INIP: variants seen among roughly 807,000 people sequenced by gnomAD.
INIP encodes INTS3 and NABP interacting protein, also known as SOSS complex subunit C.
INIP carries 9 observed loss-of-function variants against 14.0 expected under a neutral mutation model. That is an observed-to-expected ratio of 0.64 (90% CI 0.39 to 1.12). The LOEUF is 1.12. Ranked by LOEUF, INIP falls within the 50% of genes most tolerant of loss-of-function variation. INIP has a pLI of 0.01. For missense variants in INIP, 78 were observed against 122.7 expected (o/e 0.64, Z 1.72); for synonymous variants, 37 against 41.5 (o/e 0.89, Z 0.41).
chr9:112,707,810 AG>A (rs1237634912), intron 2 of INIP, among the ~76,000 whole-genome samples: 1 of 152,232 alleles, frequency 6.6e-6, no homozygotes, highest in African/African-American at 2.4e-5. Flanking sequence ...ACAACTATAT[AG>A]TACATTAAAG....
intron 2 of INIP, among the ~76,000 whole-genome samples, chr9:112,704,098 A>G (rs552658930): frequency 9.8e-5 from 15 of 152,314 alleles, no homozygotes; most frequent in African/African-American, 3.4e-4. Flanking sequence ...AGGGTAGGGT[A>G]GTTACAAAGA....
chr9:112,707,059 G>T (rs116255094), intron 2 of INIP, among the ~76,000 whole-genome samples: 1,727 of 152,142 alleles, frequency 0.011, 30 homozygotes, highest in African/African-American at 0.039. Flanking sequence ...TTGCAAGCAT[G>T]CGTAATCATG....
rs1378192818 is a variant in INIP at position 112,685,824 on chromosome 9, GAAGT to G, written c.*1710_*1713del. 6.6e-6 allele frequency: 1 copy of G among 152,192 alleles called. No homozygotes were observed. Among genetic ancestry groups the G allele is most frequent in the Non-Finnish European group, 1.5e-5 (1 of 68,042 alleles). The allele number at this position is 152,192 out of a possible 1,614,324, so 9.4% of individuals were successfully genotyped here. A position where few individuals can be genotyped will look rare whatever the true frequency, so the allele number is the denominator to read the frequency against. On this transcript the variant is annotated 3_prime_UTR_variant, in exon 5 of 5. Transcript: ENST00000374242. ...GCCCCCTGAGGAGCTCTGCGCCGCAGAAGTAAGGCTATCCTCGCTGCAATGGTGA... is the reference window on the plus strand; with the variant it reads ...GCCCCCTGAGGAGCTCTGCGCCGCAGAAGGCTATCCTCGCTGCAATGGTGA...
chr9:112,697,741 A>C (rs527763884), intron 2 of INIP, among the ~76,000 whole-genome samples: 4 of 152,360 alleles, frequency 2.6e-5, no homozygotes, highest in African/African-American at 9.6e-5. Context: ...ACCAAATTCC[A>C]AGAATGTATT....
At chr9:112,711,171 T>TA (rs966914228) in intron 2 of INIP, among the ~76,000 whole-genome samples, 7 of 151,258 alleles carry the variant, frequency 4.6e-5, no homozygotes, top group East Asian at 3.9e-4. Flanking sequence ...CCCTGCCTCT[T>TA]AAAAAAAAAT....
Position 112,694,622 on chromosome 9 carries a change from A to G in INIP, c.26-389T>C, listed in dbSNP as rs113313302. On this transcript the variant is annotated intron_variant, in intron 2 of 4. Coordinates refer to ENST00000374242, the MANE Select transcript of INIP (RefSeq NM_021218.3). ...GTGCAGTCTCTATCCTGCCGAGTCA[A>G]TCTTTGGGAGGGCAGATGTTCTTAG... 8.3e-4 allele frequency among the ~76,000 whole-genome samples: 126 copies of G among 152,330 alleles called. 1 individual carries two copies. Among genetic ancestry groups the G allele is most frequent in the African/African-American group, 2.9e-3 (122 of 41,582 alleles).
chr9:112,687,912 C>A (rs786972), intron 4 of INIP, among the ~76,000 whole-genome samples: 1 of 151,710 alleles, frequency 6.6e-6, no homozygotes, highest in Non-Finnish European at 1.5e-5. Context: ...GGTGAAACCC[C>A]GTCTCTACTA....
chr9:112,707,163 T>C (rs370109752), intron 2 of INIP, among the ~76,000 whole-genome samples: 80 of 151,740 alleles, frequency 5.3e-4, no homozygotes, highest in African/African-American at 1.6e-3. Context: ...GGTCTCGAAC[T>C]CCCGACCTCA....
intron 1 of INIP, among the ~76,000 whole-genome samples, chr9:112,717,720 C>T (rs1838871506): frequency 1.3e-5 from 2 of 152,100 alleles, no homozygotes; most frequent in South Asian, 4.1e-4. Flanking sequence ...AAACACAGAG[C>T]GAGCAATGCG....
intron 2 of INIP, among the ~76,000 whole-genome samples, chr9:112,703,556 AAAAAC>A (rs1235112769): frequency 6.6e-6 from 1 of 152,188 alleles, no homozygotes; most frequent in African/African-American, 2.4e-5. Flanking sequence ...CTGTCTCTTT[AAAAAC>A]AAAACAAAAC....
chr9:112,691,146 G>A (rs1837872908), intron 3 of INIP, among the ~76,000 whole-genome samples: 1 of 152,182 alleles, frequency 6.6e-6, no homozygotes, highest in Non-Finnish European at 1.5e-5. Flanking sequence ...TAATAATTGA[G>A]GCAAGAAATG....
chr9:112,703,437 G>A (rs1233673787), intron 2 of INIP, among the ~76,000 whole-genome samples: 1 of 152,140 alleles, frequency 6.6e-6, no homozygotes, highest in East Asian at 1.9e-4. Flanking sequence ...AGGAACCAGA[G>A]GCCAGACATG....
At chr9:112,694,339 C>A (rs1327365343) in intron 2 of INIP, 106 bp from the exon 3 acceptor site, 1 of 665,798 alleles carries the variant, frequency 1.5e-6, no homozygotes, top group East Asian at 2.8e-5. Context: ...GAAAGCAAAA[C>A]TCCTATTCTC....
In INIP at chr9:112,685,750, G is replaced by C. The variant is rs1837639386; in HGVS notation, c.*1788C>G. The C allele has an allele frequency of 6.6e-6, 1 of 152,216 alleles. No homozygotes were observed. Among genetic ancestry groups the C allele is most frequent in the Non-Finnish European group, 1.5e-5 (1 of 68,060 alleles). 9.4% of individuals were successfully genotyped at this position (152,216 alleles called of 1,614,324 possible). ...TCAAGACAATGAGGGCTACCATAAGGAGGCCCAAGGAGTAGTTGGATGGAC... is the reference window on the plus strand; with the variant it reads ...TCAAGACAATGAGGGCTACCATAAGCAGGCCCAAGGAGTAGTTGGATGGAC... On this transcript the variant is annotated 3_prime_UTR_variant, in exon 5 of 5. Transcript: ENST00000374242.
intron 2 of INIP, among the ~76,000 whole-genome samples, chr9:112,706,581 A>G (rs1390427060): frequency 6.6e-6 from 1 of 152,046 alleles, no homozygotes; most frequent in Non-Finnish European, 1.5e-5. Context: ...AGATTCTCTT[A>G]ATTTCAGGGT....
At chr9:112,695,021 T>C (rs1934709417) in intron 2 of INIP, among the ~76,000 whole-genome samples, 1 of 152,172 alleles carries the variant, frequency 6.6e-6, no homozygotes, top group Admixed American at 6.5e-5. Flanking sequence ...CACTAATTTC[T>C]CAGATTCCTA....
intron 2 of INIP, 68 bp downstream of exon 2, chr9:112,716,393 T>G (rs1441909628): frequency 1.4e-6 from 2 of 1,451,256 alleles, no homozygotes; most frequent in Admixed American, 1.7e-5. Flanking sequence ...TGCTAAATTT[T>G]CTCTTATTCA....
chr9:112,685,828 T>G lies in INIP; in HGVS notation c.*1710A>C, dbSNP rs1160115144. 1 of 152,094 alleles carries G rather than the reference T, an allele frequency of 6.6e-6. No homozygotes were observed. The highest frequency in any genetic ancestry group is 2.4e-5 in the African/African-American group (1 of 41,406). 9.4% of individuals were successfully genotyped at this position (152,094 alleles called of 1,614,324 possible). A position where few individuals can be genotyped will look rare whatever the true frequency, so the allele number is the denominator to read the frequency against. On this transcript the variant is annotated 3_prime_UTR_variant, in exon 5 of 5. Coordinates refer to ENST00000374242, the MANE Select transcript of INIP (RefSeq NM_021218.3). ...CCTGAGGAGCTCTGCGCCGCAGAAG[T>G]AAGGCTATCCTCGCTGCAATGGTGA...
At chr9:112,707,483 C>T (rs527514758) in intron 2 of INIP, among the ~76,000 whole-genome samples, 55 of 152,080 alleles carry the variant, frequency 3.6e-4, no homozygotes, top group Middle Eastern at 3.4e-3. Flanking sequence ...GACTCCCACA[C>T]GTTTCTTTTT....
Sources: gnomAD v4.1 joint callset for allele counts (sites outside exome capture counted in the v4.1 genomes callset) on GRCh38, gnomAD v4.1.1 for gene constraint, MANE v1.5 for transcripts, NCBI Gene and HGNC (gene_info 2026-07-23, HGNC 2026-07-21) for gene names.